Variants in FTH1 observed in about 807,000 individuals in gnomAD.
FTH1 encodes ferritin heavy chain.
A neutral mutation model predicts 21.8 loss-of-function variants in FTH1; 3 were observed. The observed-to-expected ratio is 0.14, with a 90% CI of 0.06 to 0.36. The LOEUF (loss-of-function observed/expected upper bound fraction) is 0.36. Ranked by LOEUF, FTH1 falls within the 10% of genes least tolerant of loss-of-function variation. The probability of loss-of-function intolerance (pLI) is 1.00; values close to 1 mark genes in which losing one functional copy is unlikely to be tolerated. For synonymous variants in FTH1, 83 were observed against 90.1 expected (o/e 0.92, Z 0.45); for missense variants, 147 against 225.8 (o/e 0.65, Z 2.24).
chr11:61,964,412 C>A lies in FTH1; in HGVS notation c.*315G>T, dbSNP rs1942384364. ...TCTATCTGAATCCAAGACAGCCACA[C>A]CTTAGTATACTGCCCAAACTAATGA... On this transcript the variant is annotated 3_prime_UTR_variant, in exon 4 of 4. Coordinates refer to ENST00000273550, the MANE Select transcript of FTH1 (RefSeq NM_002032.3). 3.2e-6 allele frequency: 2 copies of A among 627,040 alleles called. No individual in the cohort carries two copies. Among genetic ancestry groups the A allele is most frequent in the African/African-American group, 1.8e-5 (1 of 54,418 alleles). The allele number at this position is 627,040 out of a possible 1,614,324, so 38.8% of individuals were successfully genotyped here.
intron 1 of FTH1, 145 bp from the exon 2 acceptor site, chr11:61,965,660 G>C: frequency 2.4e-6 from 2 of 832,916 alleles, no homozygotes; most frequent in Non-Finnish European, 4.1e-6. Context: ...TAAGGAGACT[G>C]GGGGGCAGAT....
At position 61,964,357 on chromosome 11, in the gene FTH1, A is replaced by C. The variant is rs1337456807; in HGVS notation, c.*370T>G. The stretch of plus-strand genomic sequence containing the variant: ...GAACCATTGGAAACATTTAACTCAG[A>C]CTCTGGATTCAGAGTCGGGAACCCT... On this transcript the variant is annotated 3_prime_UTR_variant, in exon 4 of 4. Coordinates refer to ENST00000273550, the MANE Select transcript of FTH1 (RefSeq NM_002032.3). 1.2e-6 allele frequency: 1 copy of C among 832,610 alleles called. No homozygotes were observed. Among genetic ancestry groups the C allele is most frequent in the African/African-American group, 1.7e-5 (1 of 58,056 alleles). 51.6% of individuals were successfully genotyped at this position (832,610 alleles called of 1,614,324 possible). A position where few individuals can be genotyped will look rare whatever the true frequency, so the allele number is the denominator to read the frequency against.
chr11:61,966,237 G>A (rs1942457801), intron 1 of FTH1, among the ~76,000 whole-genome samples: 1 of 152,176 alleles, frequency 6.6e-6, no homozygotes, highest in Non-Finnish European at 1.5e-5. Context: ...TCGCGCCACT[G>A]CACTCCAGCC....
chr11:61,964,616 G>A lies in FTH1; in HGVS notation c.*111C>T, dbSNP rs1942394144. The A allele has an allele frequency of 8.5e-7, 1 of 1,177,156 alleles. No homozygotes were observed. The highest frequency in any genetic ancestry group is 1.2e-6 in the Non-Finnish European group (1 of 808,608). The allele number at this position is 1,177,156 out of a possible 1,614,324, so 72.9% of individuals were successfully genotyped here. On this transcript the variant is annotated 3_prime_UTR_variant, in exon 4 of 4. Transcript: ENST00000273550. Reference sequence around the variant, plus strand: ...GAATGGTACAAATCAAAGAACTTAAGTGGATGTTTTGGTACAACTTATAGA... The same window carrying A: ...GAATGGTACAAATCAAAGAACTTAAATGGATGTTTTGGTACAACTTATAGA...
chr11:61,965,068 C>T lies in FTH1; in HGVS notation c.306G>A (p.Glu102=), dbSNP rs1469886483. The change falls in exon 3 of 4, where the codon GAG becomes GAA. Residue 102 remains glutamate (E), a synonymous_variant. Coordinates refer to ENST00000273550, the MANE Select transcript of FTH1 (RefSeq NM_002032.3). The part of the protein sequence containing the change: ...DDWESGLNAM[E]CALHLEKNVN... ...CATTTTTTTCCAAATGTAATGCACA[C>T]TCCATTGCATTCAGCCCGCTCTCCC... is the stretch of plus-strand genomic sequence containing the variant. The T allele has an allele frequency of 2.0e-5, 33 of 1,610,122 alleles. No homozygotes were observed. Among genetic ancestry groups the T allele is most frequent in the Non-Finnish European group, 2.6e-5 (31 of 1,179,940 alleles).
intron 2 of FTH1, 105 bp downstream of exon 2, chr11:61,965,264 C>T: frequency 6.3e-7 from 1 of 1,593,828 alleles, no homozygotes; most frequent in East Asian, 2.2e-5. Flanking sequence ...AGGCAAAAGC[C>T]CAGTGTATCA....
intron 1 of FTH1, 100 bp downstream of exon 1, chr11:61,967,212 G>A (rs1049448236): frequency 3.5e-5 from 20 of 566,778 alleles, no homozygotes; most frequent in Non-Finnish European, 5.5e-5. Context: ...GCGCAGGGAG[G>A]CGGGAGAGCC....
rs753284051 is a variant in FTH1 at position 61,964,862 on chromosome 11, C to G, written c.417G>C (p.Leu139=). The change falls in exon 4 of 4, where the codon CTG becomes CTC. Residue 139 remains leucine (L), a synonymous_variant. Transcript: ENST00000273550. ...HLCDFIETHY[L]NEQVKAIKEL... ...CTTTGATGGCTTTCACCTGCTCATT[C>G]AGGTAATGTGTCTCAATGAAGTCAC... 3.7e-6 allele frequency: 6 copies of G among 1,604,272 alleles called. No individual in the cohort carries two copies. In the African/African-American group the frequency reaches 8.0e-5, roughly 21 times the overall value.
rs1234825694 is a variant in FTH1 at position 61,967,360 on chromosome 11, G to A, written c.66C>T (p.Asn22=). 4.4e-6 allele frequency: 7 copies of A among 1,607,448 alleles called. No homozygotes were observed. Among genetic ancestry groups the A allele is most frequent in the Admixed American group, 3.3e-5 (2 of 59,838 alleles). ...NYHQDSEAAI[N]RQINLELYAS... ...CGTAGAGCTCCAGGTTGATCTGGCGGTTGATGGCGGCCTCTGAGTCCTGGT... is the reference window on the plus strand; with the variant it reads ...CGTAGAGCTCCAGGTTGATCTGGCGATTGATGGCGGCCTCTGAGTCCTGGT... Residue 22 remains asparagine, a synonymous_variant, in exon 1 of 4, where the codon AAC becomes AAT. Transcript: ENST00000273550.
At position 61,967,619 on chromosome 11, in the gene FTH1, G is replaced by A. The variant is rs1565051114; in HGVS notation, c.-194C>T. On this transcript the variant is annotated 5_prime_UTR_variant, in exon 1 of 4. Transcript: ENST00000273550. ...AAGCAGGAAACCCCGACGACTCTCG[G>A]CGAAGAACGTCTGGCCCTGCGGGTC... is the stretch of plus-strand genomic sequence containing the variant. 1.5e-6 allele frequency: 1 copy of A among 663,854 alleles called. No homozygotes were observed. The highest frequency in any genetic ancestry group is 2.8e-6 in the Non-Finnish European group (1 of 361,582). The allele number at this position is 663,854 out of a possible 1,614,324, so 41.1% of individuals were successfully genotyped here. A position where few individuals can be genotyped will look rare whatever the true frequency, so the allele number is the denominator to read the frequency against.
At chr11:61,965,845 T>C (rs1942444848) in intron 1 of FTH1, among the ~76,000 whole-genome samples, 1 of 152,206 alleles carries the variant, frequency 6.6e-6, no homozygotes, top group Non-Finnish European at 1.5e-5. Flanking sequence ...CAGAATTCAT[T>C]GTCTGATGAG....
At chr11:61,965,783 G>C (rs1942442373) in intron 1 of FTH1, among the ~76,000 whole-genome samples, 1 of 152,144 alleles carries the variant, frequency 6.6e-6, no homozygotes. Flanking sequence ...GCATTGCCTG[G>C]GGCAATGTCT....
Position 61,964,575 on chromosome 11 carries a change from A to C in FTH1, c.*152T>G. The C allele has an allele frequency of 6.7e-6, 6 of 897,348 alleles. No homozygotes were observed. The highest frequency in any genetic ancestry group is 8.7e-6 in the Non-Finnish European group (5 of 576,802). The allele number at this position is 897,348 out of a possible 1,614,324, so 55.6% of individuals were successfully genotyped here. A position where few individuals can be genotyped will look rare whatever the true frequency, so the allele number is the denominator to read the frequency against. ...CTCAAAGACAACACCTGGGTACCAA[A>C]TTTCTTTATTTGAAGGAATGGTACA... On this transcript the variant is annotated 3_prime_UTR_variant, in exon 4 of 4. Transcript: ENST00000273550.
intron 1 of FTH1, among the ~76,000 whole-genome samples, chr11:61,966,069 T>TC (rs1942452249): frequency 6.6e-6 from 1 of 152,128 alleles, no homozygotes; most frequent in African/African-American, 2.4e-5. Flanking sequence ...GGTCAGCAGA[T>TC]CGAGACCATC....
intron 1 of FTH1, among the ~76,000 whole-genome samples, chr11:61,966,372 T>G (rs1276209186): frequency 6.6e-6 from 1 of 152,196 alleles, no homozygotes; most frequent in Admixed American, 6.5e-5. Context: ...TCACAAAAAT[T>G]TGATTTTCAG....
rs1064740 is a variant in FTH1 at position 61,964,788 on chromosome 11, G to A, written c.491C>T (p.Ser164Phe). The A allele has an allele frequency of 6.3e-7, 1 of 1,599,958 alleles. No individual in the cohort carries two copies. The highest frequency in any genetic ancestry group is 1.1e-5 in the South Asian group (1 of 91,088). Residue 164 changes from serine to phenylalanine, a missense_variant, in exon 4 of 4, where the codon TCT becomes TTT. Coordinates refer to ENST00000273550, the MANE Select transcript of FTH1 (RefSeq NM_002032.3). Reference protein sequence around the residue: ...TNLRKMGAPESGLAEYLFDKH... With the variant: ...TNLRKMGAPEFGLAEYLFDKH... ...GTCAAAGAGATATTCCGCCAAGCCA[G>A]ATTCGGGCGCTCCCATCTTGCGCAA...
chr11:61,966,222 C>T (rs1942457155), intron 1 of FTH1, among the ~76,000 whole-genome samples: 1 of 152,104 alleles, frequency 6.6e-6, no homozygotes, highest in South Asian at 2.1e-4. Context: ...TGCAGTGAGC[C>T]GAGATCGCGC....
rs1942432171 is a variant in FTH1 at position 61,965,465 on chromosome 11, G to C, written c.165C>G (p.Tyr55Ter). The C allele has an allele frequency of 6.2e-7, 1 of 1,609,064 alleles. No individual in the cohort carries two copies. ...DDVALKNFAKYFLHQSHEERE... is the reference protein window; with the variant it reads ...DDVALKNFAK ...TCTCCTCATGAGATTGGTGAAGAAAGTATTTGGCAAAGTTCTTCAAAGCCA... is the reference window on the plus strand; with the variant it reads ...TCTCCTCATGAGATTGGTGAAGAAACTATTTGGCAAAGTTCTTCAAAGCCA... Residue 55 changes from tyrosine (Y) to a stop codon, truncating the protein, a stop_gained, in exon 2 of 4, where the codon TAC becomes TAG. Transcript: ENST00000273550. LOFTEE classifies it high-confidence loss of function.
rs1942384944 is a variant in FTH1 at position 61,964,418 on chromosome 11, T to TATA, written c.*306_*308dup. Reference sequence around the variant, plus strand: ...TGAATCCAAGACAGCCACACCTTAGTATACTGCCCAAACTAATGAGTTTAA... The same window carrying TATA: ...TGAATCCAAGACAGCCACACCTTAGTATAATACTGCCCAAACTAATGAGTTTAA... On this transcript the variant is annotated 3_prime_UTR_variant, in exon 4 of 4. Coordinates refer to ENST00000273550, the MANE Select transcript of FTH1 (RefSeq NM_002032.3). The TATA allele has an allele frequency of 1.6e-6, 1 of 622,746 alleles. No homozygotes were observed. Among genetic ancestry groups the TATA allele is most frequent in the South Asian group, 2.0e-5 (1 of 49,938 alleles). The allele number at this position is 622,746 out of a possible 1,614,324, so 38.6% of individuals were successfully genotyped here.
Sources: gnomAD v4.1 joint callset for allele counts (sites outside exome capture counted in the v4.1 genomes callset) on GRCh38, gnomAD v4.1.1 for gene constraint, MANE v1.5 for transcripts, NCBI Gene and HGNC (gene_info 2026-07-23, HGNC 2026-07-21) for gene names.